Variants in CTNNA3 observed in about 807,000 individuals in gnomAD.
CTNNA3 encodes the protein catenin alpha-3.
A neutral mutation model predicts 95.7 loss-of-function variants in CTNNA3; 76 were observed. The ratio of observed to expected loss-of-function variants is 0.79; its 90% CI spans 0.66 to 0.96. The LOEUF is 0.96. CTNNA3 is among the 40% of genes least tolerant of loss of function. The probability of loss-of-function intolerance (pLI) is 0.00; values close to 1 mark genes in which losing one functional copy is unlikely to be tolerated. For missense variants in CTNNA3, 1,191 were observed against 1,089.8 expected, an observed-to-expected ratio of 1.09 and a Z score of -1.31; for synonymous variants, 431 against 374.4, an observed-to-expected ratio of 1.15 and a Z score of -1.74.
intron 7 of CTNNA3, among the ~76,000 whole-genome samples, chr10:66,779,338 CTTCTTTCTT>C (rs79708685): frequency 0.65 from 98,339 of 150,764 alleles, 32,224 homozygotes; most frequent in East Asian, 0.77. Context: ...TCCTTCCTTC[CTTCTTTCTT>C]TTCTTTCTTT....
chr10:65,996,731 G>A (rs2078669676), intron 15 of CTNNA3, among the ~76,000 whole-genome samples: 1 of 152,110 alleles, frequency 6.6e-6, no homozygotes, highest in Non-Finnish European at 1.5e-5. Flanking sequence ...GACTGCTGGG[G>A]CATATACCAT....
At chr10:67,235,084 C>G (rs557129953) in intron 5 of CTNNA3, among the ~76,000 whole-genome samples, 1 of 151,864 alleles carries the variant, frequency 6.6e-6, no homozygotes, top group South Asian at 2.1e-4. Context: ...AATGGCCATA[C>G]TGCCCAAGGT....
intron 5 of CTNNA3, among the ~76,000 whole-genome samples, chr10:67,412,308 T>TAATAA (rs1166411233): frequency 6.6e-6 from 1 of 152,100 alleles, no homozygotes; most frequent in Non-Finnish European, 1.5e-5. Flanking sequence ...AATAGAATTT[T>TAATAA]AATAAAATTC....
intron 7 of CTNNA3, among the ~76,000 whole-genome samples, chr10:66,838,056 T>TA (rs920121227): frequency 3.2e-4 from 48 of 152,058 alleles, no homozygotes; most frequent in African/African-American, 1.1e-3. Context: ...CCTAGGGCAA[T>TA]AAGGCATTTT....
chr10:66,707,488 A>C (rs1198721405), intron 9 of CTNNA3, among the ~76,000 whole-genome samples: 2 of 151,994 alleles, frequency 1.3e-5, no homozygotes, highest in African/African-American at 2.4e-5. Flanking sequence ...GTATCTAGCA[A>C]GGTAGAAATT....
chr10:67,014,033 G>A (rs1852502618), intron 7 of CTNNA3, among the ~76,000 whole-genome samples: 2 of 151,900 alleles, frequency 1.3e-5, no homozygotes, highest in Admixed American at 6.5e-5. Flanking sequence ...GAAGGACAGA[G>A]ACAAAAGGGG....
intron 7 of CTNNA3, among the ~76,000 whole-genome samples, chr10:67,065,178 T>C (rs1589685869): frequency 6.6e-6 from 1 of 152,058 alleles, no homozygotes; most frequent in Non-Finnish European, 1.5e-5. Context: ...TATTTTTTCC[T>C]AGAAAAAAAG....
At chr10:67,717,107 A>G (rs533380978) in intron 1 of CTNNA3, among the ~76,000 whole-genome samples, 18 of 152,158 alleles carry the variant, frequency 1.2e-4, no homozygotes, top group Non-Finnish European at 2.2e-4. Context: ...TTTGTTGGCC[A>G]ATAAATATCT....
At position 66,620,730 on chromosome 10, in the gene CTNNA3, T is replaced by C. The variant is rs551767024; in HGVS notation, c.1374+962A>G. Among the ~76,000 whole-genome samples, 6 of 152,282 alleles carry C rather than the reference T, an allele frequency of 3.9e-5. No individual in the cohort carries two copies. The South Asian group carries it at 1.2e-3, about 32-fold the overall frequency. On this transcript the variant is annotated intron_variant, in intron 10 of 17. Coordinates refer to ENST00000433211, the MANE Select transcript of CTNNA3 (RefSeq NM_013266.4). Reference sequence around the variant, plus strand: ...CACTTTTCCAGCTTGTTCTTACTTGTTAATCAACATTAAGTCCAAAGAAGC... The same window carrying C: ...CACTTTTCCAGCTTGTTCTTACTTGCTAATCAACATTAAGTCCAAAGAAGC...
chr10:66,972,776 T>A (rs909044088), intron 7 of CTNNA3, among the ~76,000 whole-genome samples: 2 of 146,904 alleles, frequency 1.4e-5, no homozygotes, highest in Non-Finnish European at 3.0e-5. Flanking sequence ...AATGGTGCAA[T>A]CTCGGCTCAC....
At chr10:66,775,125 A>G (rs989731659) in intron 8 of CTNNA3, among the ~76,000 whole-genome samples, 7 of 152,158 alleles carry the variant, frequency 4.6e-5, no homozygotes, top group Admixed American at 3.9e-4. Flanking sequence ...GCCCTATTGC[A>G]TATTATTAAT....
intron 15 of CTNNA3, among the ~76,000 whole-genome samples, chr10:66,045,662 C>T (rs1441105678): frequency 6.6e-6 from 1 of 152,074 alleles, no homozygotes; most frequent in Non-Finnish European, 1.5e-5. Context: ...CACCCTAGAG[C>T]AGATAAGAAT....
intron 7 of CTNNA3, among the ~76,000 whole-genome samples, chr10:66,814,001 T>C (rs1374758199): frequency 3.3e-5 from 5 of 152,058 alleles, no homozygotes; most frequent in Admixed American, 3.3e-4. Context: ...TAGTATAGAT[T>C]GTAGAGCTGC....
intron 12 of CTNNA3, among the ~76,000 whole-genome samples, chr10:66,339,125 T>G (rs896210265): frequency 1.3e-5 from 2 of 151,848 alleles, no homozygotes; most frequent in Non-Finnish European, 3.0e-5. Context: ...GAGAATTAAA[T>G]GTAGCTAACA....
chr10:65,980,046 T>C (rs2078286699), intron 16 of CTNNA3, among the ~76,000 whole-genome samples: 1 of 151,852 alleles, frequency 6.6e-6, no homozygotes, highest in Admixed American at 6.6e-5. Context: ...AGCTGGTTCT[T>C]TGAAAAAATA....
intron 5 of CTNNA3, among the ~76,000 whole-genome samples, chr10:67,247,403 T>G (rs1259439600): frequency 6.6e-6 from 1 of 152,098 alleles, no homozygotes; most frequent in African/African-American, 2.4e-5. Context: ...CAATTCCACT[T>G]AAAATAGCAT....
intron 7 of CTNNA3, among the ~76,000 whole-genome samples, chr10:67,100,746 A>G (rs1418527222): frequency 1.3e-5 from 2 of 151,768 alleles, no homozygotes; most frequent in Non-Finnish European, 2.9e-5. Flanking sequence ...ACCACATTTT[A>G]CATAAATTAT....
chr10:66,110,548 T>C (rs1446072946), intron 13 of CTNNA3, among the ~76,000 whole-genome samples: 1 of 152,068 alleles, frequency 6.6e-6, no homozygotes, highest in Non-Finnish European at 1.5e-5. Context: ...AAATACTATT[T>C]AGCCTTTAAA....
chr10:66,332,966 G>T (rs2132326412), intron 12 of CTNNA3, among the ~76,000 whole-genome samples: 1 of 152,212 alleles, frequency 6.6e-6, no homozygotes, highest in Admixed American at 6.5e-5. Context: ...GAGGGTGTAT[G>T]TGTCTAGGAA....
Sources: allele counts gnomAD v4.1 joint callset (sites outside exome capture counted in the v4.1 genomes callset), GRCh38; gene constraint gnomAD v4.1.1; transcripts MANE v1.5; gene names NCBI Gene and HGNC (gene_info 2026-07-23, HGNC 2026-07-21).